The following RBFOX3 variants were observed in gnomAD, a reference collection of about 807,000 sequenced individuals.
RBFOX3 encodes RNA binding protein fox-1 homolog 3.
In RBFOX3, 17 loss-of-function variants were observed where a neutral mutation model predicts 48.7. The ratio of observed to expected loss-of-function variants is 0.35; its 90% CI spans 0.24 to 0.52. The LOEUF (loss-of-function observed/expected upper bound fraction) is 0.52, where lower values mean the gene tolerates loss of function less well. Ranked by LOEUF, RBFOX3 falls within the 20% of genes least tolerant of loss-of-function variation. RBFOX3 has a pLI of 0.94. For synonymous variants in RBFOX3, 212 were observed against 209.5 expected (o/e 1.01, Z -0.10); for missense variants, 382 against 497.5 (o/e 0.77, Z 2.21).
chr17:79,366,945 G>A (rs1013967991), intron 2 of RBFOX3, among the ~76,000 whole-genome samples: 1 of 152,202 alleles, frequency 6.6e-6, no homozygotes, highest in East Asian at 1.9e-4. Context: ...CCCTGGGGAG[G>A]GTCCACATCC....
intron 3 of RBFOX3, among the ~76,000 whole-genome samples, chr17:79,270,921 C>A (rs2143676095): frequency 6.6e-6 from 1 of 152,354 alleles, no homozygotes; most frequent in African/African-American, 2.4e-5. Context: ...CAATGTTATG[C>A]AACAACATGC....
intron 2 of RBFOX3, among the ~76,000 whole-genome samples, chr17:79,388,890 C>T (rs1476853430): frequency 1.3e-5 from 2 of 152,246 alleles, no homozygotes; most frequent in Admixed American, 1.3e-4. Context: ...ACCATCCTCT[C>T]CCAGCGGCAG....
At chr17:79,312,228 G>A (rs2076948552) in intron 2 of RBFOX3, among the ~76,000 whole-genome samples, 1 of 151,088 alleles carries the variant, frequency 6.6e-6, no homozygotes, top group African/African-American at 2.4e-5. Context: ...AGACAAAGAA[G>A]AGGGCTGGGA....
intron 2 of RBFOX3, among the ~76,000 whole-genome samples, chr17:79,444,688 T>C (rs1555737109): frequency 6.6e-6 from 1 of 152,050 alleles, no homozygotes; most frequent in African/African-American, 2.4e-5. Context: ...TTGTGCCTTA[T>C]AAGCCCGCAT....
In RBFOX3 at chr17:79,406,749, T is replaced by C. The variant is rs569373049; in HGVS notation, c.-175+75705A>G. ...TTGCTTCATAAAATTCTGGGGCTAC[T>C]ACATGTGTTTGTTTAACTGGCTTGC... On this transcript the variant is annotated intron_variant, in intron 2 of 14. Transcript: ENST00000693108. Among the ~76,000 whole-genome samples the C allele has an allele frequency of 1.4e-4, 21 of 152,328 alleles. No individual in the cohort carries two copies. In the South Asian group the frequency reaches 3.5e-3, roughly 26 times the overall value.
At chr17:79,123,376 A>T (rs1424819988) in intron 4 of RBFOX3, among the ~76,000 whole-genome samples, 3 of 152,176 alleles carry the variant, frequency 2.0e-5, no homozygotes, top group Admixed American at 2.0e-4. Context: ...AAGAAAAACG[A>T]AAACCCTGCT....
At chr17:79,611,090 C>CCTCTCTCT (rs1215305331), upstream of RBFOX3, among the ~76,000 whole-genome samples, 1 of 142,692 alleles carries the variant, frequency 7.0e-6, no homozygotes, top group Non-Finnish European at 1.5e-5. Flanking sequence ...TCCCTCGCCT[C>CCTCTCTCT]CTCTCTCTCT....
In RBFOX3 at chr17:79,421,736, C is replaced by T. The variant is rs782814413; in HGVS notation, c.-175+60718G>A. Among the ~76,000 whole-genome samples, 12 of 152,138 alleles carry T rather than the reference C, an allele frequency of 7.9e-5. No homozygotes were observed. The highest frequency in any genetic ancestry group is 5.8e-4 in the East Asian group (3 of 5,176). On this transcript the variant is annotated intron_variant, in intron 2 of 14. Transcript: ENST00000693108. This position sits in a 1 kb window ranked among gnomAD's most constrained non-coding sequence, Gnocchi z 4.5. ...CGCAGGCCCCTGGCAAGCCTGAGGC[C>T]GGGGCAGCAGCCATGCTCTCTCCTC...
At chr17:79,104,158 C>G (rs2076949452) in intron 6 of RBFOX3, 32 bp from the exon 7 acceptor site, 1 of 1,540,230 alleles carries the variant, frequency 6.5e-7, no homozygotes. Context: ...GGGAGTGGGG[C>G]AGACAGGAAA....
chr17:79,416,423 G>A (rs114595219), intron 2 of RBFOX3, among the ~76,000 whole-genome samples: 3,426 of 152,324 alleles, frequency 0.022, 136 homozygotes, highest in African/African-American at 0.075. Context: ...TATAGGGCAA[G>A]GATAGCACCA....
At chr17:79,174,517 CGACT>C (rs1432630027) in intron 4 of RBFOX3, among the ~76,000 whole-genome samples, 1 of 151,036 alleles carries the variant, frequency 6.6e-6, no homozygotes, top group African/African-American at 2.5e-5. Flanking sequence ...GCACTCTCAC[CGACT>C]CACAGACACA....
chr17:79,529,535 C>A (rs914168691), intron 1 of RBFOX3, among the ~76,000 whole-genome samples: 22 of 152,248 alleles, frequency 1.4e-4, no homozygotes, highest in African/African-American at 5.1e-4. Flanking sequence ...CAGCATGGCA[C>A]CCCGGGAGGG....
intron 4 of RBFOX3, among the ~76,000 whole-genome samples, chr17:79,186,285 T>C (rs752408857): frequency 6.6e-6 from 1 of 152,260 alleles, no homozygotes; most frequent in Non-Finnish European, 1.5e-5. Flanking sequence ...AAAAAGGATC[T>C]GAACGTGTGT....
rs796070056 is a variant in RBFOX3 at position 79,243,140 on chromosome 17, T to C, written c.-73-7335A>G. 5.3e-5 allele frequency among the ~76,000 whole-genome samples: 8 copies of C among 152,272 alleles called. No individual in the cohort carries two copies. Among genetic ancestry groups the C allele is most frequent in the African/African-American group, 1.9e-4 (8 of 41,562 alleles). On this transcript the variant is annotated intron_variant, in intron 3 of 14. Coordinates refer to ENST00000693108, the MANE Select transcript of RBFOX3 (RefSeq NM_001350451.2). This position sits in a 1 kb window ranked among gnomAD's most constrained non-coding sequence, Gnocchi z 7.9. ...AGTTTCCAAACATCAAATCTGAAGCTTGGGGAAGTGAAGCAGATTGCCCTA... is the reference window on the plus strand; with the variant it reads ...AGTTTCCAAACATCAAATCTGAAGCCTGGGGAAGTGAAGCAGATTGCCCTA...
intron 1 of RBFOX3, among the ~76,000 whole-genome samples, chr17:79,540,378 G>A (rs1376578225): frequency 6.6e-6 from 1 of 152,248 alleles, no homozygotes; most frequent in Non-Finnish European, 1.5e-5. Context: ...AATGCAGGGA[G>A]ACAAATGAAC....
intron 1 of RBFOX3, among the ~76,000 whole-genome samples, chr17:79,505,040 C>T (rs1230523324): frequency 3.3e-5 from 5 of 152,118 alleles, no homozygotes; most frequent in African/African-American, 1.2e-4. Context: ...ACCCACTGGC[C>T]GGCCAGCTGC....
intron 4 of RBFOX3, among the ~76,000 whole-genome samples, chr17:79,203,599 G>A (rs11656299): frequency 0.33 from 20,008 of 60,192 alleles, 4,575 homozygotes; most frequent in Middle Eastern, 0.44. Context: ...GTGAAGGGGT[G>A]TGTAAGGACT....
At chr17:79,256,659 T>G (rs966303953) in intron 3 of RBFOX3, among the ~76,000 whole-genome samples, 1 of 152,158 alleles carries the variant, frequency 6.6e-6, no homozygotes, top group African/African-American at 2.4e-5. Context: ...GGCTCATGCC[T>G]GTAATCCCAG....
chr17:79,105,237 C>T (rs1192419172), intron 6 of RBFOX3, among the ~76,000 whole-genome samples: 1 of 152,214 alleles, frequency 6.6e-6, no homozygotes, highest in Non-Finnish European at 1.5e-5. Context: ...GGACAGTAAC[C>T]TCCGTTCTGC....
Sources: allele counts gnomAD v4.1 joint callset (sites outside exome capture counted in the v4.1 genomes callset), GRCh38; gene constraint gnomAD v4.1.1; non-coding constraint Gnocchi (gnomAD v3.1); transcripts MANE v1.5; gene names NCBI Gene and HGNC (gene_info 2026-07-23, HGNC 2026-07-21).